Variants in C1orf87 observed in about 807,000 individuals in gnomAD.
The protein encoded by C1orf87 is chromosome 1 open reading frame 87.
A neutral mutation model predicts 60.5 loss-of-function variants in C1orf87; 58 were observed. The ratio of observed to expected loss-of-function variants is 0.96; its 90% CI spans 0.78 to 1.19. The LOEUF (loss-of-function observed/expected upper bound fraction) is 1.19, where lower values mean the gene tolerates loss of function less well. C1orf87 is among the 50% of genes most tolerant of loss of function. C1orf87 has a pLI of 0.00. For missense variants in C1orf87, 673 were observed against 638.6 expected (o/e 1.05, Z -0.58); for synonymous variants, 236 against 227.4 (o/e 1.04, Z -0.34).
chr1:60,052,908 C>A (rs544443001), intron 3 of C1orf87, among the ~76,000 whole-genome samples: 2 of 152,316 alleles, frequency 1.3e-5, no homozygotes, highest in South Asian at 2.1e-4. Context: ...CAGACAGAAC[C>A]AATTAGTCGG....
At chr1:60,002,964 T>A (rs1258718002) in intron 9 of C1orf87, among the ~76,000 whole-genome samples, 1 of 151,792 alleles carries the variant, frequency 6.6e-6, no homozygotes, top group East Asian at 1.9e-4. Flanking sequence ...AGCCATCCCA[T>A]TACTGGGTAT....
Position 60,033,459 on chromosome 1 carries a change from A to C in C1orf87, c.1029+17T>G, listed in dbSNP as rs926279445. 1.2e-6 allele frequency: 2 copies of C among 1,610,014 alleles called. No homozygotes were observed. The highest frequency in any genetic ancestry group is 1.7e-5 in the Admixed American group (1 of 59,830). ...GGCCTTTACAGAGGAACAAATCTGA[A>C]ATTGAATTTTGGTTACCTTAGGTAG... On this transcript the variant is annotated intron_variant, in intron 7 of 11. Transcript: ENST00000371201.
chr1:60,000,999 A>G (rs550105961), intron 10 of C1orf87, 78 bp downstream of exon 10: 3 of 1,163,710 alleles, frequency 2.6e-6, no homozygotes, highest in South Asian at 1.3e-5. Context: ...CACAGGAGAG[A>G]GCCCCATCCA....
chr1:60,038,862 G>C (rs1366417353), intron 5 of C1orf87, among the ~76,000 whole-genome samples: 2 of 152,166 alleles, frequency 1.3e-5, no homozygotes, highest in Admixed American at 1.3e-4. Flanking sequence ...GGACTCTGGT[G>C]GACAGACAGC....
intron 6 of C1orf87, among the ~76,000 whole-genome samples, chr1:60,037,450 C>T (rs1645285798): frequency 6.6e-6 from 1 of 152,166 alleles, no homozygotes; most frequent in Non-Finnish European, 1.5e-5. Flanking sequence ...CAGTGGCAGG[C>T]ATCTTGAAAG....
chr1:60,006,572 A>T (rs185833821), intron 9 of C1orf87, among the ~76,000 whole-genome samples: 1 of 151,838 alleles, frequency 6.6e-6, no homozygotes, highest in Non-Finnish European at 1.5e-5. Flanking sequence ...GTCAGCAGTC[A>T]TACTGGAACT....
At position 60,073,754 on chromosome 1, in the gene C1orf87, C is replaced by G. The variant is rs1400200689; in HGVS notation, c.-92G>C. 1 of 152,462 alleles carries G rather than the reference C, an allele frequency of 6.6e-6. No homozygotes were observed. Among genetic ancestry groups the G allele is most frequent in the Non-Finnish European group, 1.5e-5 (1 of 68,230 alleles). 9.4% of individuals were successfully genotyped at this position (152,462 alleles called of 1,614,324 possible). Reference sequence around the variant, plus strand: ...GCGGTCCGTGCTTCTCCCCAGGAAGCTGACACTCTCAGACCCGGGGACGGG... The same window carrying G: ...GCGGTCCGTGCTTCTCCCCAGGAAGGTGACACTCTCAGACCCGGGGACGGG... On this transcript the variant is annotated 5_prime_UTR_variant, in exon 1 of 12. Coordinates refer to ENST00000371201, the MANE Select transcript of C1orf87 (RefSeq NM_152377.3).
intron 10 of C1orf87, among the ~76,000 whole-genome samples, chr1:59,999,933 C>T (rs979552870): frequency 3.9e-5 from 6 of 152,106 alleles, no homozygotes; most frequent in African/African-American, 9.7e-5. Flanking sequence ...TCCTGTGGGA[C>T]GCCTTCCCCA....
chr1:60,071,499 C>G (rs978998255), intron 2 of C1orf87, among the ~76,000 whole-genome samples: 3 of 152,218 alleles, frequency 2.0e-5, no homozygotes, highest in African/African-American at 7.2e-5. Context: ...ACCTCAGTTC[C>G]TGTGCAGTGG....
In C1orf87 at chr1:60,001,107, G is replaced by A. The variant is rs35716430; in HGVS notation, c.1242C>T (p.Pro414=). The change falls in exon 10 of 12, where the codon CCC becomes CCT. Residue 414 remains proline (P), a synonymous_variant. Coordinates refer to ENST00000371201, the MANE Select transcript of C1orf87 (RefSeq NM_152377.3). ...GTTCAGTTTTGCTTTGAGACATCTCGGGGACTTCAGGCTCCATTGGAGGGG... is the reference window on the plus strand; with the variant it reads ...GTTCAGTTTTGCTTTGAGACATCTCAGGGACTTCAGGCTCCATTGGAGGGG... ...APAPPMEPEV[P]EMSQSKTEHM... 3,489 of 1,607,462 alleles carry A rather than the reference G, an allele frequency of 2.2e-3. 72 individuals are homozygous for A. In the African/African-American group the frequency reaches 0.041, roughly 19 times the overall value.
At chr1:60,053,808 A>G (rs1365025951) in intron 3 of C1orf87, among the ~76,000 whole-genome samples, 1 of 152,012 alleles carries the variant, frequency 6.6e-6, no homozygotes, top group Admixed American at 6.5e-5. Context: ...GTAAAGAAAA[A>G]AAAGAAAACC....
chr1:60,072,244 G>A (rs1297734367), intron 2 of C1orf87, among the ~76,000 whole-genome samples: 3 of 152,132 alleles, frequency 2.0e-5, no homozygotes, highest in African/African-American at 7.2e-5. Flanking sequence ...AGCCCGATGA[G>A]AAAAGGCAGC....
chr1:60,002,284 T>C (rs1645011479), intron 9 of C1orf87, among the ~76,000 whole-genome samples: 1 of 152,124 alleles, frequency 6.6e-6, no homozygotes, highest in Non-Finnish European at 1.5e-5. Context: ...CTGCATGACC[T>C]TGAGCAAGTT....
intron 3 of C1orf87, 61 bp from the exon 4 acceptor site, chr1:60,041,192 G>C: frequency 2.2e-6 from 3 of 1,379,176 alleles, no homozygotes; most frequent in East Asian, 5.1e-5. Flanking sequence ...AAGAGAAAGA[G>C]GAAAGAATGG....
intron 2 of C1orf87, among the ~76,000 whole-genome samples, chr1:60,062,095 C>T (rs926037741): frequency 3.9e-5 from 6 of 152,136 alleles, no homozygotes; most frequent in Admixed American, 6.6e-5. Flanking sequence ...CAAGATGGCC[C>T]GAGAGGCAGA....
chr1:60,026,341 C>T (rs561961118), intron 7 of C1orf87, among the ~76,000 whole-genome samples: 1 of 152,258 alleles, frequency 6.6e-6, no homozygotes, highest in South Asian at 2.1e-4. Flanking sequence ...AAGACTAGTA[C>T]TTTCTATTTC....
chr1:59,990,453 C>A lies in C1orf87; in HGVS notation c.*220G>T. On this transcript the variant is annotated 3_prime_UTR_variant, in exon 12 of 12. Coordinates refer to ENST00000371201, the MANE Select transcript of C1orf87 (RefSeq NM_152377.3). Reference sequence around the variant, plus strand: ...AGATTCTAAGTAGCTGGGTTCTTGCCACATCAAAAGATAAAACTAGGTTTC... The same window carrying A: ...AGATTCTAAGTAGCTGGGTTCTTGCAACATCAAAAGATAAAACTAGGTTTC... 1 of 372,120 alleles carries A rather than the reference C, an allele frequency of 2.7e-6. No individual in the cohort carries two copies. Among genetic ancestry groups the A allele is most frequent in the Non-Finnish European group, 4.7e-6 (1 of 211,084 alleles). The allele number at this position is 372,120 out of a possible 1,614,324, so 23.1% of individuals were successfully genotyped here.
chr1:60,049,446 T>C (rs1264040333), intron 3 of C1orf87, among the ~76,000 whole-genome samples: 1 of 152,154 alleles, frequency 6.6e-6, no homozygotes, highest in East Asian at 1.9e-4. Context: ...TTTCTAATAG[T>C]ATAACCCTTT....
chr1:60,071,479 C>T (rs757143288), intron 2 of C1orf87, among the ~76,000 whole-genome samples: 4 of 152,218 alleles, frequency 2.6e-5, no homozygotes, highest in African/African-American at 4.8e-5. Context: ...GTATGAATCA[C>T]GTGCTGCAAA....
Sources: gnomAD v4.1 joint callset for allele counts (sites outside exome capture counted in the v4.1 genomes callset) on GRCh38, gnomAD v4.1.1 for gene constraint, MANE v1.5 for transcripts, NCBI Gene and HGNC (gene_info 2026-07-23, HGNC 2026-07-21) for gene names.